CPQ: variants seen among roughly 807,000 people sequenced by gnomAD.
CPQ encodes the protein carboxypeptidase Q, also known as Ser-Met dipeptidase.
A neutral mutation model predicts 45.7 loss-of-function variants in CPQ; 37 were observed. The observed-to-expected ratio is 0.81, with a 90% CI of 0.62 to 1.07. The LOEUF (loss-of-function observed/expected upper bound fraction) is 1.07, where lower values mean the gene tolerates loss of function less well. CPQ is among the 50% of genes least tolerant of loss of function. The pLI, the probability that CPQ is intolerant of heterozygous loss-of-function variation, is 0.00. For synonymous variants in CPQ, 186 were observed against 205.8 expected, an observed-to-expected ratio of 0.90 and a Z score of 0.82; for missense variants, 537 against 572.9, an observed-to-expected ratio of 0.94 and a Z score of 0.64.
intron 7 of CPQ, among the ~76,000 whole-genome samples, chr8:97,070,116 C>G (rs1810714844): frequency 6.6e-6 from 1 of 152,142 alleles, no homozygotes; most frequent in African/African-American, 2.4e-5. Context: ...ACTCTTTGTT[C>G]TAGATCTTCA....
rs147878468 is a variant in CPQ at position 96,854,715 on chromosome 8, T to A, written c.641+19535T>A. On this transcript the variant is annotated intron_variant, in intron 3 of 7. Transcript: ENST00000220763. Reference sequence around the variant, plus strand: ...ACAGAGGCTGACAAGTCCCAAAATCTTCAGGGTGAGTCAGCAAGCTGGAGA... The same window carrying A: ...ACAGAGGCTGACAAGTCCCAAAATCATCAGGGTGAGTCAGCAAGCTGGAGA... 5.9e-5 allele frequency among the ~76,000 whole-genome samples: 9 copies of A among 152,064 alleles called. No individual in the cohort carries two copies. In the East Asian group the frequency reaches 1.7e-3, roughly 30 times the overall value.
chr8:96,775,345 A>T lies in CPQ; in HGVS notation c.-34-9519A>T, dbSNP rs928380760. 2.8e-4 allele frequency among the ~76,000 whole-genome samples: 42 copies of T among 152,298 alleles called. 1 individual carries two copies. In the East Asian group the frequency reaches 3.1e-3, roughly 11 times the overall value. On this transcript the variant is annotated intron_variant, in intron 1 of 7. Transcript: ENST00000220763. ...ATTATCCTAACTGTAATATAAAGGA[A>T]CAATTAAAGGAAAATAATTTATAAT...
At chr8:96,883,441 A>G (rs1324472868) in intron 4 of CPQ, among the ~76,000 whole-genome samples, 2 of 152,214 alleles carry the variant, frequency 1.3e-5, no homozygotes, top group Non-Finnish European at 2.9e-5. Flanking sequence ...GTTGCCTAGA[A>G]TTCCAAGAGT....
intron 1 of CPQ, among the ~76,000 whole-genome samples, chr8:96,671,599 T>A (rs757900160): frequency 9.2e-5 from 14 of 152,128 alleles, no homozygotes; most frequent in Non-Finnish European, 1.9e-4. Flanking sequence ...AACTATCAAT[T>A]TGAGGTTTAT....
chr8:96,843,713 A>G (rs1381616436), intron 3 of CPQ, among the ~76,000 whole-genome samples: 1 of 152,240 alleles, frequency 6.6e-6, no homozygotes, highest in Non-Finnish European at 1.5e-5. Flanking sequence ...TTTCTCTAAC[A>G]TGTAAATTCA....
chr8:97,059,699 C>G (rs1162740343), intron 6 of CPQ, among the ~76,000 whole-genome samples: 1 of 152,164 alleles, frequency 6.6e-6, no homozygotes, highest in African/African-American at 2.4e-5. Context: ...TCCAGGGTCA[C>G]TGGCAGAACT....
chr8:96,906,052 A>G (rs1812571434), intron 4 of CPQ, among the ~76,000 whole-genome samples: 1 of 150,668 alleles, frequency 6.6e-6, no homozygotes, highest in South Asian at 2.1e-4. Context: ...ATTTGTCAAA[A>G]ATGCAGATTC....
chr8:96,905,799 A>G (rs777027036), intron 4 of CPQ, among the ~76,000 whole-genome samples: 4 of 148,566 alleles, frequency 2.7e-5, no homozygotes, highest in African/African-American at 4.9e-5. Flanking sequence ...GTAAACCTGT[A>G]TGGAGATATT....
intron 6 of CPQ, among the ~76,000 whole-genome samples, chr8:97,044,637 G>A (rs932487240): frequency 6.6e-6 from 1 of 152,180 alleles, no homozygotes; most frequent in African/African-American, 2.4e-5. Flanking sequence ...GTTCTTTGAT[G>A]ATGGTGATGT....
chr8:97,038,643 G>A (rs145797668), intron 6 of CPQ, among the ~76,000 whole-genome samples: 2 of 152,024 alleles, frequency 1.3e-5, no homozygotes, highest in African/African-American at 2.4e-5. Flanking sequence ...TTGGCCTGAA[G>A]TTGTCTTCTG....
chr8:96,655,782 A>G (rs558947047), intron 1 of CPQ, among the ~76,000 whole-genome samples: 2 of 152,328 alleles, frequency 1.3e-5, no homozygotes, highest in African/African-American at 4.8e-5. Context: ...TTATATCCTG[A>G]TAAGTCCGTT....
intron 7 of CPQ, among the ~76,000 whole-genome samples, chr8:97,083,836 G>T (rs1810997721): frequency 6.6e-6 from 1 of 152,148 alleles, no homozygotes; most frequent in South Asian, 2.1e-4. Context: ...CCCTAATGGT[G>T]ATGTGAAGAT....
chr8:96,899,790 G>A (rs930190778), intron 4 of CPQ, among the ~76,000 whole-genome samples: 11 of 152,052 alleles, frequency 7.2e-5, no homozygotes, highest in South Asian at 4.1e-4. Context: ...GATAAATATC[G>A]AAACTATATT....
chr8:97,142,234 G>C (rs1420781900), intron 7 of CPQ, among the ~76,000 whole-genome samples: 1 of 152,192 alleles, frequency 6.6e-6, no homozygotes, highest in Non-Finnish European at 1.5e-5. Flanking sequence ...AAGCTAGCTA[G>C]AGGCTAAAGA....
At chr8:96,981,234 A>T (rs1305487461) in intron 5 of CPQ, among the ~76,000 whole-genome samples, 1 of 152,204 alleles carries the variant, frequency 6.6e-6, no homozygotes, top group Non-Finnish European at 1.5e-5. Context: ...TGCATAAAAA[A>T]CCAAGGATGG....
chr8:97,063,163 G>A (rs758363105), intron 6 of CPQ, among the ~76,000 whole-genome samples: 1 of 151,838 alleles, frequency 6.6e-6, no homozygotes, highest in African/African-American at 2.4e-5. Context: ...GTTTTTAATA[G>A]TTGCCATTCT....
intron 4 of CPQ, among the ~76,000 whole-genome samples, chr8:96,897,102 G>A (rs1042289361): frequency 6.6e-6 from 1 of 152,142 alleles, no homozygotes; most frequent in Non-Finnish European, 1.5e-5. Flanking sequence ...TTCATTATTA[G>A]ACATAGTGTT....
At chr8:96,951,624 G>A (rs951146844) in intron 4 of CPQ, among the ~76,000 whole-genome samples, 3 of 151,918 alleles carry the variant, frequency 2.0e-5, no homozygotes, top group Non-Finnish European at 4.4e-5. Flanking sequence ...CCTATTTCAC[G>A]GTGTATGGAT....
intron 1 of CPQ, among the ~76,000 whole-genome samples, chr8:96,781,897 A>G (rs540375462): frequency 1.4e-4 from 21 of 152,340 alleles, no homozygotes; most frequent in Admixed American, 6.5e-4. Context: ...TCCAAAACCC[A>G]ATGGGGACAA....
Sources: gnomAD v4.1 joint callset for allele counts (sites outside exome capture counted in the v4.1 genomes callset) on GRCh38, gnomAD v4.1.1 for gene constraint, MANE v1.5 for transcripts, NCBI Gene and HGNC (gene_info 2026-07-23, HGNC 2026-07-21) for gene names.